Variants in FLVCR1 observed in about 807,000 individuals in gnomAD.
The protein encoded by FLVCR1 is choline/ethanolamine transporter FLVCR1.
A neutral mutation model predicts 53.6 loss-of-function variants in FLVCR1; 34 were observed. That is an observed-to-expected ratio of 0.63 (90% CI 0.48 to 0.84). The LOEUF is 0.84. Ranked by LOEUF, FLVCR1 falls within the 40% of genes least tolerant of loss-of-function variation. The probability of loss-of-function intolerance (pLI) is 0.00; values close to 1 mark genes in which losing one functional copy is unlikely to be tolerated. For missense variants in FLVCR1, 677 were observed against 696.7 expected (o/e 0.97, Z 0.32); for synonymous variants, 300 against 286.3 (o/e 1.05, Z -0.48).
In FLVCR1 at chr1:212,898,283, G is replaced by A. The variant is rs974898033; in HGVS notation, c.*2993G>A. On this transcript the variant is annotated 3_prime_UTR_variant, in exon 10 of 10. Transcript: ENST00000366971. Reference sequence around the variant, plus strand: ...GTGATTGCTACCTTATGGATACAACGGACTTTTACATTTCTTTTTAGCCTT... The same window carrying A: ...GTGATTGCTACCTTATGGATACAACAGACTTTTACATTTCTTTTTAGCCTT... 1 of 152,150 alleles carries A rather than the reference G, an allele frequency of 6.6e-6. No individual in the cohort carries two copies. The highest frequency in any genetic ancestry group is 1.5e-5 in the Non-Finnish European group (1 of 68,024). The allele number at this position is 152,150 out of a possible 1,614,324, so 9.4% of individuals were successfully genotyped here.
At chr1:212,866,090 T>C (rs945088705) in intron 2 of FLVCR1, among the ~76,000 whole-genome samples, 3 of 151,292 alleles carry the variant, frequency 2.0e-5, no homozygotes, top group Admixed American at 6.6e-5. Flanking sequence ...ATTCAAGGGA[T>C]TCTTGTGCCT....
intron 2 of FLVCR1, among the ~76,000 whole-genome samples, chr1:212,865,485 ATTTTT>A (rs58544929): frequency 0.52 from 69,154 of 133,896 alleles, 18,698 homozygotes; most frequent in East Asian, 0.62. Flanking sequence ...TGCAATAGGG[ATTTTT>A]TTTTTTTTTT....
At chr1:212,885,852 C>G (rs1665051896) in intron 5 of FLVCR1, among the ~76,000 whole-genome samples, 1 of 151,712 alleles carries the variant, frequency 6.6e-6, no homozygotes, top group South Asian at 2.1e-4. Context: ...CGCCCAGCAA[C>G]AAGTGTTTCA....
intron 5 of FLVCR1, 154 bp downstream of exon 5, chr1:212,885,550 CTTTTTTTTT>C: frequency 6.8e-6 from 2 of 295,364 alleles, no homozygotes; most frequent in Non-Finnish European, 1.2e-5. Context: ...ACAAGTGTTT[CTTTTTTTTT>C]TTTTTTTTTG....
chr1:212,872,777 T>C lies in FLVCR1; in HGVS notation c.983T>C (p.Leu328Pro), dbSNP rs1664640662. 4 of 1,614,006 alleles carry C rather than the reference T, an allele frequency of 2.5e-6. No individual in the cohort carries two copies. The highest frequency in any genetic ancestry group is 3.4e-6 in the Non-Finnish European group (4 of 1,179,904). ...EYSYKKSIRN[L>P]FKNIPFVLLL... ...TCCTATAAGAAATCAATAAGAAACC[T>C]GTTTAAAAACATTCCTTTTGTCCTT... Residue 328 changes from leucine (L) to proline (P), a missense_variant, in exon 3 of 10, where the codon CTG becomes CCG. Transcript: ENST00000366971.
intron 7 of FLVCR1, 25 bp downstream of exon 7, chr1:212,888,619 T>C: frequency 3.6e-6 from 5 of 1,402,256 alleles, no homozygotes; most frequent in Non-Finnish European, 5.1e-6. Context: ...TCTCTAAACC[T>C]GAGATGATTA....
chr1:212,890,893 G>C (rs1665174736), intron 8 of FLVCR1, among the ~76,000 whole-genome samples: 1 of 152,128 alleles, frequency 6.6e-6, no homozygotes, highest in Non-Finnish European at 1.5e-5. Flanking sequence ...TGAATGATAG[G>C]AACCTGAGCA....
chr1:212,877,150 TTTTGAGA>T (rs1210723076), intron 3 of FLVCR1, among the ~76,000 whole-genome samples: 3 of 108,216 alleles, frequency 2.8e-5, no homozygotes, highest in African/African-American at 9.1e-5. Flanking sequence ...TTTTTTTTTT[TTTTGAGA>T]GAGAGTCTCG....
intron 3 of FLVCR1, 97 bp from the exon 4 acceptor site, chr1:212,883,274 C>A (rs879413997): frequency 2.7e-6 from 2 of 727,690 alleles, no homozygotes; most frequent in Admixed American, 2.1e-5. Context: ...ACATAATATT[C>A]CATGTCACTT....
At chr1:212,879,859 A>C (rs1269146447) in intron 3 of FLVCR1, among the ~76,000 whole-genome samples, 1 of 147,666 alleles carries the variant, frequency 6.8e-6, no homozygotes, top group Non-Finnish European at 1.5e-5. Flanking sequence ...ACCCGGCCAA[A>C]TTTTTTTTTT....
chr1:212,885,325 A>G lies in FLVCR1; in HGVS notation c.1125A>G (p.Leu375=), dbSNP rs756566994. ...AAGTCAATGCTGGAAGGATTGGGCT[A>G]ACGCTAGTAGTAGCTGGAATGGTGG... ...GEEVNAGRIG[L]TLVVAGMVGS... is the part of the protein sequence containing the mutation. The change falls in exon 5 of 10, where the codon CTA becomes CTG. Residue 375 remains leucine (L), a synonymous_variant. Coordinates refer to ENST00000366971, the MANE Select transcript of FLVCR1 (RefSeq NM_014053.4). The G allele has an allele frequency of 1.9e-6, 3 of 1,614,146 alleles. No individual in the cohort carries two copies. The highest frequency in any genetic ancestry group is 2.2e-5 in the East Asian group (1 of 44,870).
At position 212,896,848 on chromosome 1, in the gene FLVCR1, T is replaced by G. The variant is rs1572032751; in HGVS notation, c.*1558T>G. 1.4e-5 allele frequency: 1 copy of G among 71,542 alleles called. No homozygotes were observed. The highest frequency in any genetic ancestry group is 6.3e-5 in the African/African-American group (1 of 15,758). 4.4% of individuals were successfully genotyped at this position (71,542 alleles called of 1,614,324 possible). A position where few individuals can be genotyped will look rare whatever the true frequency, so the allele number is the denominator to read the frequency against. On this transcript the variant is annotated 3_prime_UTR_variant, in exon 10 of 10. Coordinates refer to ENST00000366971, the MANE Select transcript of FLVCR1 (RefSeq NM_014053.4). The stretch of plus-strand genomic sequence containing the variant: ...GCCTGGCCAACATGGTAAAACCCCA[T>G]CTCTACTAAAAAAAAAAAAAAAAAA...
At chr1:212,888,871 G>C (rs147716600) in intron 7 of FLVCR1, among the ~76,000 whole-genome samples, 1 of 152,088 alleles carries the variant, frequency 6.6e-6, no homozygotes, top group East Asian at 1.9e-4. Context: ...GTTATTTTTT[G>C]TAGAGATGGT....
intron 3 of FLVCR1, among the ~76,000 whole-genome samples, chr1:212,874,353 C>T (rs1421964853): frequency 6.6e-6 from 1 of 152,046 alleles, no homozygotes; most frequent in Non-Finnish European, 1.5e-5. Context: ...ATATCTCATC[C>T]TTATATATTA....
At chr1:212,886,429 G>C (rs565078446) in intron 5 of FLVCR1, among the ~76,000 whole-genome samples, 1 of 152,222 alleles carries the variant, frequency 6.6e-6, no homozygotes, top group African/African-American at 2.4e-5. Flanking sequence ...TTGAGCATAA[G>C]GCTTTATTTT....
chr1:212,889,260 A>G lies in FLVCR1; in HGVS notation c.1525+3A>G. On this transcript the variant is annotated splice_donor_region_variant and intron_variant, in intron 8 of 9. Coordinates refer to ENST00000366971, the MANE Select transcript of FLVCR1 (RefSeq NM_014053.4). ...GTTTATAGGCATCATATTAACAGGT[A>G]AATTAGGGCGTTTGCCTGGCAAAAG... The G allele has an allele frequency of 6.3e-7, 1 of 1,579,690 alleles. No homozygotes were observed. Among genetic ancestry groups the G allele is most frequent in the Non-Finnish European group, 8.7e-7 (1 of 1,148,710 alleles).
rs145296873 is a variant in FLVCR1 at position 212,876,228 on chromosome 1, A to C, written c.1024+3410A>C. On this transcript the variant is annotated intron_variant, in intron 3 of 9. Transcript: ENST00000366971. Reference sequence around the variant, plus strand: ...TGTGTGTTATTTCCACCCCTCGTGCACCATGTGTCCATGTGTTCTCATCAT... The same window carrying C: ...TGTGTGTTATTTCCACCCCTCGTGCCCCATGTGTCCATGTGTTCTCATCAT... Among the ~76,000 whole-genome samples, 17 of 152,202 alleles carry C rather than the reference A, an allele frequency of 1.1e-4. No homozygotes were observed. The East Asian group carries it at 3.3e-3, about 29-fold the overall frequency.
chr1:212,887,067 C>T (rs1262592514), intron 5 of FLVCR1, among the ~76,000 whole-genome samples: 2 of 152,152 alleles, frequency 1.3e-5, no homozygotes, highest in Non-Finnish European at 2.9e-5. Flanking sequence ...TTTCAAGGCT[C>T]AAGATATATT....
chr1:212,886,354 T>A (rs1248667272), intron 5 of FLVCR1, among the ~76,000 whole-genome samples: 2 of 152,184 alleles, frequency 1.3e-5, no homozygotes, highest in African/African-American at 4.8e-5. Context: ...ATGTTGTTCT[T>A]TTTTTATGTT....
Sources: allele counts gnomAD v4.1 joint callset (sites outside exome capture counted in the v4.1 genomes callset), GRCh38; gene constraint gnomAD v4.1.1; transcripts MANE v1.5; gene names NCBI Gene and HGNC (gene_info 2026-07-23, HGNC 2026-07-21).